TENM2: variants seen among roughly 807,000 people sequenced by gnomAD.
The protein encoded by TENM2 is teneurin transmembrane protein 2.
In TENM2, 52 loss-of-function variants were observed where a neutral mutation model predicts 245.2. The ratio of observed to expected loss-of-function variants is 0.21; its 90% confidence interval spans 0.17 to 0.27. TENM2 has a LOEUF of 0.27. Among genes scored for constraint, TENM2 ranks in the 10% least tolerant of loss-of-function variants. The probability of loss-of-function intolerance (pLI) is 1.00; values close to 1 mark genes in which losing one functional copy is unlikely to be tolerated. For synonymous variants in TENM2, 1,363 were observed against 1,438.9 expected (o/e 0.95, Z 1.19); for missense variants, 3,046 against 3,666.8 (o/e 0.83, Z 4.37).
At position 167,931,203 on chromosome 5, in the gene TENM2, A is replaced by G. The variant is rs1443066610; in HGVS notation, c.713-21385A>G. On this transcript the variant is annotated intron_variant, in intron 3 of 28. Transcript: ENST00000518659. Reference sequence around the variant, plus strand: ...TGAAAATGAAAATGTTATCCATGAAAAATCTCTAGGAAAATAAATTCAGGC... The same window carrying G: ...TGAAAATGAAAATGTTATCCATGAAGAATCTCTAGGAAAATAAATTCAGGC... Among the ~76,000 whole-genome samples, 38 of 152,204 alleles carry G rather than the reference A, an allele frequency of 2.5e-4. 1 individual carries two copies. The highest frequency in any genetic ancestry group is 2.5e-3 in the Admixed American group (38 of 15,280).
At chr5:167,087,259 A>G in the TENM2 span, among the ~76,000 whole-genome samples, 60,821 of 151,974 alleles carry the variant, frequency 0.4, 12,633 homozygotes, top group Non-Finnish European at 0.45. Flanking sequence ...TGTTCTTTAC[A>G]TAGATCTTTG....
Position 168,217,109 on chromosome 5 carries a change from TGAGA to T in TENM2, c.4233+201_4233+204del, listed in dbSNP as rs151251233. Among the ~76,000 whole-genome samples, 7 of 149,456 alleles carry T rather than the reference TGAGA, an allele frequency of 4.7e-5. No individual in the cohort carries two copies. In the East Asian group the frequency reaches 5.9e-4, roughly 13 times the overall value. On this transcript the variant is annotated intron_variant, in intron 22 of 28. Transcript: ENST00000518659. ...TGGAGTGGAAAATGTCAGATAGGTATGAGAGAGAGAGAGAGAGCAAGAGAGAGGG... is the reference window on the plus strand; with the variant it reads ...TGGAGTGGAAAATGTCAGATAGGTATGAGAGAGAGAGAGCAAGAGAGAGGG...
At chr5:167,234,369 T>C in the TENM2 span, among the ~76,000 whole-genome samples, 1 of 152,324 alleles carries the variant, frequency 6.6e-6, no homozygotes, top group African/African-American at 2.4e-5. Flanking sequence ...CAGTGAAGAA[T>C]GTGTCCTTGA....
the TENM2 span, among the ~76,000 whole-genome samples, chr5:167,096,817 T>C: frequency 6.6e-6 from 1 of 152,106 alleles, no homozygotes; most frequent in East Asian, 1.9e-4. Context: ...GAGAGGCAGG[T>C]ACATTCTATC....
intron 4 of TENM2, among the ~76,000 whole-genome samples, chr5:167,990,506 C>G (rs77074727): frequency 6.6e-6 from 1 of 152,052 alleles, no homozygotes. Context: ...CTTTTATTAC[C>G]TCTGTTTTAC....
the TENM2 span, among the ~76,000 whole-genome samples, chr5:167,159,915 CT>C: frequency 0.018 from 2,742 of 152,286 alleles, 89 homozygotes; most frequent in African/African-American, 0.062. Context: ...GTGTGGTCCA[CT>C]TCACATACAA....
intron 2 of TENM2, among the ~76,000 whole-genome samples, chr5:167,511,245 C>A (rs756326859): frequency 3.3e-5 from 5 of 151,994 alleles, no homozygotes; most frequent in Non-Finnish European, 7.4e-5. Context: ...AGATAAAAGA[C>A]TGGGAAATCA....
At chr5:168,115,316 G>A (rs1056559849) in intron 9 of TENM2, among the ~76,000 whole-genome samples, 1 of 133,160 alleles carries the variant, frequency 7.5e-6, no homozygotes, top group African/African-American at 3.1e-5. Flanking sequence ...AGGAAGGAAG[G>A]GAAGGAAGGG....
At chr5:167,649,549 A>C (rs1264826472) in intron 2 of TENM2, among the ~76,000 whole-genome samples, 1 of 152,126 alleles carries the variant, frequency 6.6e-6, no homozygotes, top group African/African-American at 2.4e-5. Flanking sequence ...AAGTCTTTTG[A>C]GACTGTCTTT....
At chr5:167,191,129 G>A in the TENM2 span, among the ~76,000 whole-genome samples, 1 of 151,846 alleles carries the variant, frequency 6.6e-6, no homozygotes, top group Non-Finnish European at 1.5e-5. Context: ...GGAAATTCTA[G>A]AAAGGTTATA....
intron 2 of TENM2, among the ~76,000 whole-genome samples, chr5:167,591,866 A>T (rs1775900247): frequency 6.6e-6 from 1 of 152,240 alleles, no homozygotes; most frequent in Non-Finnish European, 1.5e-5. Context: ...ATCCATCTAA[A>T]CAATGGTGCA....
At chr5:167,858,442 C>T (rs1175044701) in intron 2 of TENM2, among the ~76,000 whole-genome samples, 1 of 152,266 alleles carries the variant, frequency 6.6e-6, no homozygotes, top group African/African-American at 2.4e-5. Flanking sequence ...TATCACCTCA[C>T]ATGCAAACTC....
At chr5:167,675,507 C>T (rs1756256168) in intron 2 of TENM2, among the ~76,000 whole-genome samples, 2 of 152,062 alleles carry the variant, frequency 1.3e-5, no homozygotes, top group Admixed American at 1.3e-4. Context: ...TCACGTGTCA[C>T]CAGGACTGCC....
chr5:167,911,300 A>G (rs28571907), intron 3 of TENM2, among the ~76,000 whole-genome samples: 3 of 152,092 alleles, frequency 2.0e-5, no homozygotes, highest in Non-Finnish European at 4.4e-5. Context: ...GCCGAGACGG[A>G]CGGATCATGA....
chr5:167,859,738 G>A (rs1184784589), intron 2 of TENM2, among the ~76,000 whole-genome samples: 1 of 92,400 alleles, frequency 1.1e-5, no homozygotes, highest in Non-Finnish European at 2.1e-5. Flanking sequence ...GAGGTGGGGG[G>A]ATCAGCCCCC....
intron 1 of TENM2, among the ~76,000 whole-genome samples, chr5:167,315,049 A>T (rs2127760822): frequency 6.6e-6 from 1 of 152,182 alleles, no homozygotes; most frequent in Admixed American, 6.5e-5. Flanking sequence ...TTGGTTAGTT[A>T]GGTCCCTTCC....
chr5:168,220,147 A>C (rs913382506), intron 23 of TENM2, among the ~76,000 whole-genome samples: 2 of 152,178 alleles, frequency 1.3e-5, no homozygotes. Flanking sequence ...CCTCGAGGGT[A>C]CCATCCGAGT....
chr5:167,438,163 A>C (rs1409791987), intron 2 of TENM2, among the ~76,000 whole-genome samples: 1 of 152,182 alleles, frequency 6.6e-6, no homozygotes, highest in Non-Finnish European at 1.5e-5. Context: ...TTCCGACTTT[A>C]GTTTCACCAG....
intron 2 of TENM2, among the ~76,000 whole-genome samples, chr5:167,750,539 T>C (rs1035157690): frequency 1.3e-5 from 2 of 152,110 alleles, no homozygotes; most frequent in Non-Finnish European, 2.9e-5. Flanking sequence ...GCTGGGGTGA[T>C]TGGTATACCA....
Sources: allele counts gnomAD v4.1 joint callset (sites outside exome capture counted in the v4.1 genomes callset), GRCh38; gene constraint gnomAD v4.1.1; transcripts MANE v1.5; gene names NCBI Gene and HGNC (gene_info 2026-07-23, HGNC 2026-07-21).